ITGA9: variants seen among roughly 807,000 people sequenced by gnomAD.
ITGA9 encodes the protein integrin alpha-9.
Under a neutral mutation model 127.8 loss-of-function variants are expected in ITGA9, and 56 were observed. The observed-to-expected ratio is 0.44, with a 90% CI of 0.35 to 0.55. The LOEUF is 0.55. Ranked by LOEUF, ITGA9 falls within the 20% of genes least tolerant of loss-of-function variation. ITGA9 has a pLI of 0.00. For synonymous variants in ITGA9, 508 were observed against 514.5 expected (o/e 0.99, Z 0.17); for missense variants, 1,196 against 1,347.1 (o/e 0.89, Z 1.76).
chr3:37,538,238 C>A (rs1211063121), intron 14 of ITGA9, among the ~76,000 whole-genome samples: 2 of 152,238 alleles, frequency 1.3e-5, no homozygotes, highest in Non-Finnish European at 2.9e-5. Flanking sequence ...AAATCTTGTT[C>A]TGACGGAGAG....
intron 26 of ITGA9, among the ~76,000 whole-genome samples, chr3:37,786,702 A>T (rs1350930023): frequency 6.6e-6 from 1 of 152,236 alleles, no homozygotes; most frequent in Non-Finnish European, 1.5e-5. Context: ...AGATGAGAAC[A>T]TCAGGGAGTC....
chr3:37,596,802 T>A (rs1402657825), intron 15 of ITGA9, among the ~76,000 whole-genome samples: 1 of 152,002 alleles, frequency 6.6e-6, no homozygotes, highest in Non-Finnish European at 1.5e-5. Flanking sequence ...GAACCTTCAG[T>A]GTGCCTGAAA....
intron 23 of ITGA9, among the ~76,000 whole-genome samples, chr3:37,774,154 T>C (rs1696876539): frequency 6.6e-6 from 1 of 152,264 alleles, no homozygotes; most frequent in Admixed American, 6.5e-5. Flanking sequence ...TTTCCTCATT[T>C]GTCTTGCAAG....
At chr3:37,783,708 CTG>C (rs1352038459) in intron 25 of ITGA9, among the ~76,000 whole-genome samples, 27 of 152,160 alleles carry the variant, frequency 1.8e-4, no homozygotes, top group Non-Finnish European at 2.6e-4. Context: ...CTTTATAAAA[CTG>C]TTAAATTGGT....
At chr3:37,696,096 A>C (rs916113034) in intron 18 of ITGA9, among the ~76,000 whole-genome samples, 1 of 152,032 alleles carries the variant, frequency 6.6e-6, no homozygotes, top group Non-Finnish European at 1.5e-5. Flanking sequence ...TCCACTTGAC[A>C]TTTTCCACAT....
chr3:37,564,657 T>A (rs1276682905), intron 15 of ITGA9, among the ~76,000 whole-genome samples: 1 of 152,212 alleles, frequency 6.6e-6, no homozygotes, highest in African/African-American at 2.4e-5. Context: ...TTAAAAATTG[T>A]GACACATCAT....
chr3:37,740,746 A>G (rs1466780333), intron 20 of ITGA9, among the ~76,000 whole-genome samples: 2 of 152,190 alleles, frequency 1.3e-5, no homozygotes, highest in Admixed American at 6.5e-5. Flanking sequence ...CATAGTAGCC[A>G]CTTAACAGCA....
intron 15 of ITGA9, among the ~76,000 whole-genome samples, chr3:37,598,577 G>A (rs73064792): frequency 0.15 from 23,109 of 152,146 alleles, 1,978 homozygotes; most frequent in East Asian, 0.27. Context: ...CACAGAATGA[G>A]GTCAGAGTGA....
intron 5 of ITGA9, among the ~76,000 whole-genome samples, chr3:37,496,191 A>C (rs914338075): frequency 1.3e-5 from 2 of 152,252 alleles, no homozygotes; most frequent in Non-Finnish European, 2.9e-5. Context: ...AGAAAGCAAG[A>C]AAGAAAAGGC....
chr3:37,612,350 TTATGA>T (rs939941786), intron 15 of ITGA9, among the ~76,000 whole-genome samples: 19 of 152,326 alleles, frequency 1.2e-4, no homozygotes, highest in Admixed American at 1.1e-3. Flanking sequence ...AAAGACCACT[TTATGA>T]TATAATAATA....
Position 37,517,525 on chromosome 3 carries a change from G to A in ITGA9, c.1057G>A (p.Ala353Thr), listed in dbSNP as rs371482241. The A allele has an allele frequency of 6.3e-6, 10 of 1,596,418 alleles. No homozygotes were observed. The African/African-American group carries it at 1.1e-4, about 17-fold the overall frequency. Residue 353 changes from alanine to threonine, a missense_variant, in exon 10 of 28, where the codon GCT becomes ACT. By Grantham distance (58) the Ala-to-Thr change is moderately conservative. Coordinates refer to ENST00000264741, the MANE Select transcript of ITGA9 (RefSeq NM_002207.3). Reference sequence around the variant, plus strand: ...CCAGGGAGCCCTCGAGGAGCAGCTGGCTCTGACTGGGGATGGTGCCTACAA... The same window carrying A: ...CCAGGGAGCCCTCGAGGAGCAGCTGACTCTGACTGGGGATGGTGCCTACAA... ...RGNGALEEQLALTGDGAYNAH... is the reference protein window; with the variant it reads ...RGNGALEEQLTLTGDGAYNAH...
chr3:37,755,002 A>G (rs1434959062), intron 23 of ITGA9, among the ~76,000 whole-genome samples: 1 of 152,236 alleles, frequency 6.6e-6, no homozygotes, highest in Non-Finnish European at 1.5e-5. Flanking sequence ...AGTTGGGGCC[A>G]TCAAATCAGT....
At chr3:37,816,311 C>T (rs1268594945) in intron 27 of ITGA9, among the ~76,000 whole-genome samples, 1 of 152,150 alleles carries the variant, frequency 6.6e-6, no homozygotes, top group East Asian at 1.9e-4. Context: ...TTGATAGTGC[C>T]ATGGTAGGGA....
At chr3:37,768,503 G>A (rs528805435) in intron 23 of ITGA9, among the ~76,000 whole-genome samples, 4 of 152,190 alleles carry the variant, frequency 2.6e-5, no homozygotes, top group Non-Finnish European at 4.4e-5. Flanking sequence ...AATTAGCAAA[G>A]TAGACATTCA....
chr3:37,582,703 A>G (rs1185376790), intron 15 of ITGA9, among the ~76,000 whole-genome samples: 1 of 152,140 alleles, frequency 6.6e-6, no homozygotes, highest in Non-Finnish European at 1.5e-5. Context: ...GAAGGAATAA[A>G]CCTGTAGTTG....
intron 22 of ITGA9, 31 bp downstream of exon 22, chr3:37,744,065 TG>T (rs751312439): frequency 2.1e-6 from 3 of 1,445,060 alleles, no homozygotes; most frequent in African/African-American, 2.8e-5. Context: ...CCTCTGTCCG[TG>T]GGGGCTAACG....
Position 37,766,574 on chromosome 3 carries a change from C to A in ITGA9, c.2542-10818C>A, listed in dbSNP as rs180883100. 2.0e-5 allele frequency among the ~76,000 whole-genome samples: 3 copies of A among 152,238 alleles called. No homozygotes were observed. The East Asian group carries it at 5.8e-4, about 29-fold the overall frequency. ...TATATGCAGGAAATGCAGAGACAAC[C>A]CAGTGAATAGGTGTGCTGCTTTAGC... On this transcript the variant is annotated intron_variant, in intron 23 of 27. Coordinates refer to ENST00000264741, the MANE Select transcript of ITGA9 (RefSeq NM_002207.3).
intron 15 of ITGA9, among the ~76,000 whole-genome samples, chr3:37,615,329 G>A (rs1404059310): frequency 6.6e-6 from 1 of 152,170 alleles, no homozygotes; most frequent in African/African-American, 2.4e-5. Flanking sequence ...CTTGATCGTG[G>A]TGGATAAGGC....
Position 37,515,587 on chromosome 3 carries a change from A to C in ITGA9, c.1035+1687A>C, listed in dbSNP as rs566677955. Among the ~76,000 whole-genome samples, 76 of 152,234 alleles carry C rather than the reference A, an allele frequency of 5.0e-4. 1 individual carries two copies. The highest frequency in any genetic ancestry group is 6.8e-3 in the Middle Eastern group (2 of 294). ...ACCCTGTCTCTACTAAAAACACACAAAAAAATTAGCCTGGTGTGGTGGTGC... is the reference window on the plus strand; with the variant it reads ...ACCCTGTCTCTACTAAAAACACACACAAAAATTAGCCTGGTGTGGTGGTGC... On this transcript the variant is annotated intron_variant, in intron 9 of 27. Transcript: ENST00000264741.
Sources: allele counts gnomAD v4.1 joint callset (sites outside exome capture counted in the v4.1 genomes callset), GRCh38; gene constraint gnomAD v4.1.1; transcripts MANE v1.5; gene names NCBI Gene and HGNC (gene_info 2026-07-23, HGNC 2026-07-21).